Variants in SETBP1 observed in about 807,000 individuals in gnomAD.
The protein encoded by SETBP1 is SET binding protein 1, also known as SET-binding protein.
Under a neutral mutation model 101.0 loss-of-function variants are expected in SETBP1, and 9 were observed. The observed-to-expected ratio is 0.09, with a 90% CI of 0.05 to 0.16. The LOEUF (loss-of-function observed/expected upper bound fraction) is 0.16, where lower values mean the gene tolerates loss of function less well. Among genes scored for constraint, SETBP1 ranks in the 10% least tolerant of loss-of-function variants. SETBP1 has a pLI of 1.00. For missense variants in SETBP1, 1,858 were observed against 2,033.8 expected, an observed-to-expected ratio of 0.91 and a Z score of 1.66; for synonymous variants, 818 against 788.5, an observed-to-expected ratio of 1.04 and a Z score of -0.63.
chr18:44,707,040 C>T (rs1168831755), intron 2 of SETBP1, among the ~76,000 whole-genome samples: 1 of 152,230 alleles, frequency 6.6e-6, no homozygotes, highest in Admixed American at 6.5e-5. Context: ...TGTTAGTCCT[C>T]ATAACAATGC....
intron 2 of SETBP1, chr18:44,732,454 A>C (rs114091219): frequency 6.6e-6 from 1 of 152,194 alleles, no homozygotes; most frequent in Non-Finnish European, 1.5e-5. Context: ...ACGGATATAT[A>C]AGTGAAGACG....
intron 2 of SETBP1, among the ~76,000 whole-genome samples, chr18:44,854,303 G>C (rs1004492110): frequency 1.3e-5 from 2 of 152,138 alleles, no homozygotes; most frequent in Non-Finnish European, 2.9e-5. Context: ...AATAGGTCCA[G>C]GTGTAGCAGA....
At chr18:44,716,666 G>A (rs193124381) in intron 2 of SETBP1, among the ~76,000 whole-genome samples, 10 of 152,220 alleles carry the variant, frequency 6.6e-5, no homozygotes, top group Non-Finnish European at 8.8e-5. Context: ...AGGTTCAAGC[G>A]ATCCTCTCAC....
chr18:45,062,023 T>C (rs1373317444), intron 5 of SETBP1, among the ~76,000 whole-genome samples: 1 of 150,920 alleles, frequency 6.6e-6, no homozygotes, highest in Non-Finnish European at 1.5e-5. Flanking sequence ...TGTGCCCATT[T>C]GTGTGTGTGT....
chr18:44,898,654 G>A (rs1320703887), intron 3 of SETBP1, among the ~76,000 whole-genome samples: 1 of 152,112 alleles, frequency 6.6e-6, no homozygotes, highest in Non-Finnish European at 1.5e-5. Context: ...GAGTTCTACT[G>A]TACAGTCTTG....
intron 2 of SETBP1, among the ~76,000 whole-genome samples, chr18:44,829,797 G>C (rs989702636): frequency 3.3e-5 from 5 of 152,110 alleles, no homozygotes; most frequent in African/African-American, 1.2e-4. Context: ...ATAAAATTTG[G>C]CCATGCTCAA....
intron 2 of SETBP1, among the ~76,000 whole-genome samples, chr18:44,768,701 A>G (rs1225107775): frequency 6.6e-6 from 1 of 152,236 alleles, no homozygotes; most frequent in Non-Finnish European, 1.5e-5. Context: ...ACAATGAATT[A>G]CACAAGAAAC....
intron 2 of SETBP1, among the ~76,000 whole-genome samples, chr18:44,800,215 TGTG>T (rs1192652058): frequency 1.3e-5 from 2 of 152,146 alleles, no homozygotes; most frequent in Admixed American, 1.3e-4. Context: ...TTCACCAAGT[TGTG>T]GTGGCTACCG....
At position 44,937,826 on chromosome 18, in the gene SETBP1, A is replaced by G. The variant is rs188482942; in HGVS notation, c.541-12055A>G. On this transcript the variant is annotated intron_variant, in intron 3 of 5. Coordinates refer to ENST00000649279, the MANE Select transcript of SETBP1 (RefSeq NM_015559.3). ...TGAATATGAGCAGTGCTGGGTTCCAATTCTCACTCCACGGTTTGGTCTGGC... is the reference window on the plus strand; with the variant it reads ...TGAATATGAGCAGTGCTGGGTTCCAGTTCTCACTCCACGGTTTGGTCTGGC... Among the ~76,000 whole-genome samples, 381 of 152,174 alleles carry G rather than the reference A, an allele frequency of 2.5e-3. 1 individual carries two copies. Among genetic ancestry groups the G allele is most frequent in the African/African-American group, 8.5e-3 (353 of 41,504 alleles).
At chr18:44,694,112 A>AAT (rs1194100456) in intron 1 of SETBP1, among the ~76,000 whole-genome samples, 1 of 152,244 alleles carries the variant, frequency 6.6e-6, no homozygotes, top group Non-Finnish European at 1.5e-5. Context: ...TCAGCAAAAC[A>AAT]ATAGTAGATG....
intron 4 of SETBP1, among the ~76,000 whole-genome samples, chr18:44,972,833 T>C (rs1453383036): frequency 6.6e-6 from 1 of 152,186 alleles, no homozygotes; most frequent in Non-Finnish European, 1.5e-5. Flanking sequence ...CAGGGACAAT[T>C]TGACTTCCTC....
intron 5 of SETBP1, among the ~76,000 whole-genome samples, chr18:45,048,161 T>G (rs982027751): frequency 2.0e-5 from 3 of 152,194 alleles, no homozygotes; most frequent in African/African-American, 7.2e-5. Flanking sequence ...TCAGGGTTAT[T>G]GCGGTGTCCT....
chr18:44,807,509 C>T (rs1368583737), intron 2 of SETBP1, among the ~76,000 whole-genome samples: 1 of 152,078 alleles, frequency 6.6e-6, no homozygotes, highest in Non-Finnish European at 1.5e-5. Context: ...TGAGATGTTT[C>T]TGGCCGAGAG....
chr18:44,954,329 T>TAAAAAAAA (rs5824565), intron 4 of SETBP1, among the ~76,000 whole-genome samples: 4 of 71,590 alleles, frequency 5.6e-5, no homozygotes, highest in African/African-American at 5.4e-5. Flanking sequence ...TTGCAGAAGC[T>TAAAAAAAA]AAAAAAAAAA....
At chr18:45,051,279 G>T (rs1424221115) in intron 5 of SETBP1, among the ~76,000 whole-genome samples, 41 of 151,926 alleles carry the variant, frequency 2.7e-4, no homozygotes, top group Admixed American at 2.6e-3. Flanking sequence ...AAATTGAGGA[G>T]GGAGTGTTTG....
intron 4 of SETBP1, among the ~76,000 whole-genome samples, chr18:44,963,707 A>G (rs2071660530): frequency 6.6e-6 from 1 of 151,182 alleles, no homozygotes; most frequent in South Asian, 2.1e-4. Context: ...TGGGCAACTT[A>G]GGGAGACCCC....
At chr18:45,062,499 G>A (rs1347480214) in intron 5 of SETBP1, among the ~76,000 whole-genome samples, 3 of 152,150 alleles carry the variant, frequency 2.0e-5, no homozygotes, top group Non-Finnish European at 4.4e-5. Context: ...AGTGGAGAAG[G>A]GTTAGGAATA....
At chr18:44,778,712 CT>C (rs1162574836) in intron 2 of SETBP1, among the ~76,000 whole-genome samples, 1 of 152,218 alleles carries the variant, frequency 6.6e-6, no homozygotes, top group Non-Finnish European at 1.5e-5. Flanking sequence ...CTGTTCCTGT[CT>C]CTTTCAGCCT....
At chr18:44,741,235 G>A (rs1265768545) in intron 2 of SETBP1, among the ~76,000 whole-genome samples, 2 of 152,188 alleles carry the variant, frequency 1.3e-5, no homozygotes, top group Admixed American at 1.3e-4. Flanking sequence ...ATGGTCCAGA[G>A]AGGAGATAGG....
Sources: allele counts gnomAD v4.1 joint callset (sites outside exome capture counted in the v4.1 genomes callset), GRCh38; gene constraint gnomAD v4.1.1; transcripts MANE v1.5; gene names NCBI Gene and HGNC (gene_info 2026-07-23, HGNC 2026-07-21).